GNAL: variants seen among roughly 807,000 people sequenced by gnomAD.
GNAL encodes guanine nucleotide-binding protein G(olf) subunit alpha.
In GNAL, 18 loss-of-function variants were observed where a neutral mutation model predicts 55.1. That is an observed-to-expected ratio of 0.33 (90% CI 0.23 to 0.48). The LOEUF (loss-of-function observed/expected upper bound fraction) is 0.48. Ranked by LOEUF, GNAL falls within the 20% of genes least tolerant of loss-of-function variation. The pLI is 0.99. For missense variants in GNAL, 412 were observed against 614.1 expected (o/e 0.67, Z 3.48); for synonymous variants, 253 against 237.0 (o/e 1.07, Z -0.62).
At chr18:11,793,911 G>GA (rs76942749) in intron 4 of GNAL, among the ~76,000 whole-genome samples, 449 of 106,340 alleles carry the variant, frequency 4.2e-3, no homozygotes, top group South Asian at 0.017. Context: ...TCCATCTCGG[G>GA]AAAAAAAAAA....
intron 1 of GNAL, among the ~76,000 whole-genome samples, chr18:11,724,770 G>A (rs1358649480): frequency 6.6e-6 from 1 of 152,220 alleles, no homozygotes; most frequent in Non-Finnish European, 1.5e-5. Flanking sequence ...CACAGGTCCT[G>A]TGGTAACTCA....
At chr18:11,789,766 C>G (rs1173789846) in intron 4 of GNAL, among the ~76,000 whole-genome samples, 1 of 152,324 alleles carries the variant, frequency 6.6e-6, no homozygotes, top group East Asian at 1.9e-4. Context: ...GCCATTGATA[C>G]ATATACTGCT....
chr18:11,754,393 G>A (rs1234291668), intron 4 of GNAL, among the ~76,000 whole-genome samples: 2 of 151,762 alleles, frequency 1.3e-5, no homozygotes, highest in Admixed American at 1.3e-4. Flanking sequence ...CTCCAGCCTG[G>A]GCGACAGAGC....
chr18:11,803,083 T>C (rs9972997), intron 4 of GNAL, among the ~76,000 whole-genome samples: 47,770 of 152,116 alleles, frequency 0.31, 9,273 homozygotes, highest in African/African-American at 0.55. Flanking sequence ...ATAAAATACA[T>C]ATAACATAAA....
intron 4 of GNAL, among the ~76,000 whole-genome samples, chr18:11,769,585 C>T (rs536900529): frequency 6.6e-6 from 1 of 152,308 alleles, no homozygotes; most frequent in South Asian, 2.1e-4. Flanking sequence ...AGTGAATCCA[C>T]AGTTGTGGGA....
intron 4 of GNAL, among the ~76,000 whole-genome samples, chr18:11,824,012 C>T (rs913036179): frequency 6.6e-6 from 1 of 152,040 alleles, no homozygotes; most frequent in Non-Finnish European, 1.5e-5. Context: ...CCTCATGGCT[C>T]TGGAATGAAC....
At chr18:11,803,534 T>C (rs947012660) in intron 4 of GNAL, among the ~76,000 whole-genome samples, 1 of 152,280 alleles carries the variant, frequency 6.6e-6, no homozygotes, top group South Asian at 2.1e-4. Context: ...TTATATATTA[T>C]CTTTATTATT....
chr18:11,766,551 A>G (rs906539835), intron 4 of GNAL, among the ~76,000 whole-genome samples: 1 of 152,210 alleles, frequency 6.6e-6, no homozygotes, highest in African/African-American at 2.4e-5. Flanking sequence ...CGAGTCCCCA[A>G]AGGGCGATCT....
intron 4 of GNAL, among the ~76,000 whole-genome samples, chr18:11,783,764 C>T (rs2033983599): frequency 6.6e-6 from 1 of 152,084 alleles, no homozygotes; most frequent in African/African-American, 2.4e-5. Context: ...AATTTCTATG[C>T]TCTTTTTTTC....
At chr18:11,864,492 C>T (rs757669434) in intron 6 of GNAL, 41 bp from the exon 7 acceptor site, 1 of 980,662 alleles carries the variant, frequency 1.0e-6, no homozygotes, top group East Asian at 2.4e-5. Flanking sequence ...TGAAGAAGAA[C>T]AGTAATGTAA....
At chr18:11,698,661 A>G (rs1314417665) in intron 1 of GNAL, among the ~76,000 whole-genome samples, 1 of 151,776 alleles carries the variant, frequency 6.6e-6, no homozygotes, top group African/African-American at 2.4e-5. Flanking sequence ...AGGTGTGCCC[A>G]CTCCTGCACC....
intron 5 of GNAL, among the ~76,000 whole-genome samples, chr18:11,837,504 G>T (rs1367782244): frequency 3.9e-5 from 6 of 152,166 alleles, no homozygotes; most frequent in African/African-American, 1.4e-4. Context: ...TGGCTAATCA[G>T]CCACGAAAAG....
At chr18:11,719,003 A>G (rs185789199) in intron 1 of GNAL, among the ~76,000 whole-genome samples, 35 of 152,326 alleles carry the variant, frequency 2.3e-4, no homozygotes, top group African/African-American at 8.4e-4. Context: ...TAACAAAAAG[A>G]AAATAAAAAA....
chr18:11,784,157 G>A (rs745395556), intron 4 of GNAL, among the ~76,000 whole-genome samples: 25 of 152,262 alleles, frequency 1.6e-4, no homozygotes, highest in Non-Finnish European at 3.1e-4. Context: ...TCCTCATGGT[G>A]GGGACCAGCG....
intron 1 of GNAL, among the ~76,000 whole-genome samples, chr18:11,710,634 C>T (rs1334952564): frequency 1.5e-5 from 2 of 137,192 alleles, no homozygotes; most frequent in African/African-American, 7.0e-5. Flanking sequence ...TTTTCTCTCT[C>T]CTTTTTTTTT....
chr18:11,733,976 T>G (rs73944248), intron 1 of GNAL, among the ~76,000 whole-genome samples: 1 of 151,584 alleles, frequency 6.6e-6, no homozygotes, highest in African/African-American at 2.4e-5. Flanking sequence ...TGCGCCATCA[T>G]TTCTCTCCTG....
At chr18:11,793,652 G>A (rs539529731) in intron 4 of GNAL, among the ~76,000 whole-genome samples, 83 of 142,064 alleles carry the variant, frequency 5.8e-4, no homozygotes, top group African/African-American at 1.9e-3. Flanking sequence ...GGGGCCAGGC[G>A]CAGTGGCTCA....
At chr18:11,777,493 G>T (rs2033816443) in intron 4 of GNAL, among the ~76,000 whole-genome samples, 1 of 152,176 alleles carries the variant, frequency 6.6e-6, no homozygotes, top group Admixed American at 6.5e-5. Context: ...ATAATTCAAG[G>T]CATGTAAACA....
intron 1 of GNAL, among the ~76,000 whole-genome samples, chr18:11,745,400 C>T (rs558726291): frequency 5.3e-5 from 8 of 152,012 alleles, no homozygotes; most frequent in Admixed American, 4.6e-4. Flanking sequence ...ATCTTCAATC[C>T]GAAAGACTGA....
Sources: gnomAD v4.1 joint callset for allele counts (sites outside exome capture counted in the v4.1 genomes callset) on GRCh38, gnomAD v4.1.1 for gene constraint, MANE v1.5 for transcripts, NCBI Gene and HGNC (gene_info 2026-07-23, HGNC 2026-07-21) for gene names.